EFCAB11: variants seen among roughly 807,000 people sequenced by gnomAD.
The protein encoded by EFCAB11 is EF-hand calcium-binding domain-containing protein 11.
In EFCAB11, 14 loss-of-function variants were observed where a neutral mutation model predicts 23.0. That is an observed-to-expected ratio of 0.61 (90% confidence interval 0.40 to 0.95). The LOEUF (loss-of-function observed/expected upper bound fraction) is 0.95. EFCAB11 is among the 40% of genes least tolerant of loss of function. The pLI, the probability that EFCAB11 is intolerant of heterozygous loss-of-function variation, is 0.00. For synonymous variants in EFCAB11, 65 were observed against 66.6 expected (o/e 0.98, Z 0.11); for missense variants, 198 against 195.8 (o/e 1.01, Z -0.07).
At chr14:89,945,055 T>C (rs973301285) in intron 3 of EFCAB11, among the ~76,000 whole-genome samples, 1 of 149,700 alleles carries the variant, frequency 6.7e-6, no homozygotes, top group African/African-American at 2.4e-5. Context: ...GATCTAATAA[T>C]AAATCTAATA....
chr14:89,846,128 C>A (rs1887423597), intron 5 of EFCAB11, among the ~76,000 whole-genome samples: 1 of 152,182 alleles, frequency 6.6e-6, no homozygotes, highest in Non-Finnish European at 1.5e-5. Context: ...AAGAGATAAT[C>A]CACATAAAGT....
intron 5 of EFCAB11, among the ~76,000 whole-genome samples, chr14:89,841,541 T>C (rs997221235): frequency 6.6e-6 from 1 of 151,996 alleles, no homozygotes; most frequent in Non-Finnish European, 1.5e-5. Context: ...AGTCAATGAC[T>C]CAACAACTAC....
In EFCAB11 at chr14:89,810,889, T is replaced by TA. The variant is rs1224105615; in HGVS notation, c.411-13566_411-13565insT. Among the ~76,000 whole-genome samples the TA allele has an allele frequency of 1.2e-4, 18 of 152,132 alleles. 1 individual carries two copies. The highest frequency in any genetic ancestry group is 1.5e-5 in the Non-Finnish European group (1 of 68,028). On this transcript the variant is annotated intron_variant, in intron 5 of 5. Coordinates refer to ENST00000316738, the MANE Select transcript of EFCAB11 (RefSeq NM_145231.4). ...GTGAGCAGAAAAGACAAGAGTCCCT[T>TA]TGAGCTTTTATCCAATCCTGGGAGA...
intron 5 of EFCAB11, among the ~76,000 whole-genome samples, chr14:89,854,825 G>GA (rs1371414710): frequency 6.6e-6 from 1 of 152,038 alleles, no homozygotes; most frequent in Non-Finnish European, 1.5e-5. Flanking sequence ...CGATCCTGTA[G>GA]ATTTAGACAT....
chr14:89,935,304 A>G (rs1596464319), intron 3 of EFCAB11, among the ~76,000 whole-genome samples: 1 of 152,040 alleles, frequency 6.6e-6, no homozygotes, highest in East Asian at 1.9e-4. Context: ...GTAGGCATTC[A>G]TTACATGTTT....
intron 5 of EFCAB11, among the ~76,000 whole-genome samples, chr14:89,874,369 C>T (rs1888370455): frequency 6.6e-6 from 1 of 152,208 alleles, no homozygotes; most frequent in Non-Finnish European, 1.5e-5. Flanking sequence ...ATAAGGGTCT[C>T]TGACGTGCCC....
chr14:89,889,400 A>G (rs918256337), intron 5 of EFCAB11, among the ~76,000 whole-genome samples: 3 of 152,198 alleles, frequency 2.0e-5, no homozygotes, highest in African/African-American at 7.2e-5. Flanking sequence ...TCAGTTCCCC[A>G]TCTATGAAAT....
intron 5 of EFCAB11, among the ~76,000 whole-genome samples, chr14:89,889,893 C>T (rs1048599724): frequency 6.6e-6 from 1 of 152,284 alleles, no homozygotes; most frequent in African/African-American, 2.4e-5. Context: ...TGGACTTCAC[C>T]CCATGTACCC....
At chr14:89,947,450 A>G (rs569553759) in intron 3 of EFCAB11, among the ~76,000 whole-genome samples, 21 of 152,320 alleles carry the variant, frequency 1.4e-4, no homozygotes, top group Non-Finnish European at 2.1e-4. Context: ...TGGACTTAAC[A>G]AAAGACTCAT....
At chr14:89,806,310 T>C (rs1225276514) in intron 5 of EFCAB11, among the ~76,000 whole-genome samples, 4 of 152,234 alleles carry the variant, frequency 2.6e-5, no homozygotes, top group Non-Finnish European at 5.9e-5. Flanking sequence ...TGACTACTTG[T>C]AGACATGTGG....
At chr14:89,917,634 A>G (rs1247613968) in intron 5 of EFCAB11, among the ~76,000 whole-genome samples, 2 of 152,254 alleles carry the variant, frequency 1.3e-5, no homozygotes, top group Non-Finnish European at 2.9e-5. Flanking sequence ...ATTTCTAAAC[A>G]AGAAAATAAC....
At chr14:89,838,606 T>C (rs749347367) in intron 5 of EFCAB11, among the ~76,000 whole-genome samples, 1 of 152,284 alleles carries the variant, frequency 6.6e-6, no homozygotes, top group South Asian at 2.1e-4. Context: ...ATTTCACATA[T>C]GTAGAAAAAT....
chr14:89,936,645 G>T (rs940101418), intron 3 of EFCAB11, among the ~76,000 whole-genome samples: 1 of 152,034 alleles, frequency 6.6e-6, no homozygotes, highest in African/African-American at 2.4e-5. Context: ...ATCTTCTAAC[G>T]CAACATTTAT....
chr14:89,830,385 T>C (rs991866136), intron 5 of EFCAB11: 1 of 152,236 alleles, frequency 6.6e-6, no homozygotes, highest in African/African-American at 2.4e-5. Context: ...TTTTTTCCTA[T>C]ACCCCAGTAA....
At chr14:89,894,008 C>T (rs1281900258) in intron 5 of EFCAB11, among the ~76,000 whole-genome samples, 2 of 151,644 alleles carry the variant, frequency 1.3e-5, no homozygotes, top group East Asian at 3.9e-4. Flanking sequence ...GAGACGGAGT[C>T]TCTCTCTGTC....
At chr14:89,858,656 A>AT (rs10648464) in intron 5 of EFCAB11, among the ~76,000 whole-genome samples, 44,794 of 89,398 alleles carry the variant, frequency 0.5, 12,131 homozygotes, top group Non-Finnish European at 0.59. Flanking sequence ...CACCCAGCTA[A>AT]TTTTTTTTTT....
intron 5 of EFCAB11, among the ~76,000 whole-genome samples, chr14:89,832,275 TGCACTCCA>T (rs1200035145): frequency 2.6e-5 from 4 of 152,174 alleles, no homozygotes; most frequent in Admixed American, 2.6e-4. Flanking sequence ...ACTGCACCAC[TGCACTCCA>T]GCACTCCAGC....
At chr14:89,932,407 T>G in intron 4 of EFCAB11, 119 bp downstream of exon 4, 1 of 754,834 alleles carries the variant, frequency 1.3e-6, no homozygotes, top group Non-Finnish European at 2.1e-6. Flanking sequence ...TAACAGCTAA[T>G]GAATACAGTA....
chr14:89,860,680 G>C (rs995370958), intron 5 of EFCAB11, among the ~76,000 whole-genome samples: 2 of 152,162 alleles, frequency 1.3e-5, no homozygotes, highest in African/African-American at 4.8e-5. Flanking sequence ...ATCTTGGAGA[G>C]GGATAAGTGA....
Sources: allele counts gnomAD v4.1 joint callset (sites outside exome capture counted in the v4.1 genomes callset), GRCh38; gene constraint gnomAD v4.1.1; transcripts MANE v1.5; gene names NCBI Gene and HGNC (gene_info 2026-07-23, HGNC 2026-07-21).